The following EPHA3 variants were observed in gnomAD, a reference collection of about 807,000 sequenced individuals.
EPHA3 encodes EPH receptor A3, also known as ephrin type-A receptor 3.
A neutral mutation model predicts 107.1 loss-of-function variants in EPHA3; 42 were observed. That is an observed-to-expected ratio of 0.39 (90% CI 0.31 to 0.51). The LOEUF is 0.51. Ranked by LOEUF, EPHA3 falls within the 20% of genes least tolerant of loss-of-function variation. The probability of loss-of-function intolerance (pLI) is 0.78; values close to 1 mark genes in which losing one functional copy is unlikely to be tolerated. For missense variants in EPHA3, 1,183 were observed against 1,211.2 expected (o/e 0.98, Z 0.35); for synonymous variants, 461 against 424.8 (o/e 1.09, Z -1.05).
chr3:89,207,517 A>G (rs1016700988), intron 2 of EPHA3, among the ~76,000 whole-genome samples: 4 of 152,302 alleles, frequency 2.6e-5, no homozygotes, highest in Admixed American at 2.6e-4. Context: ...AGTATTTTTT[A>G]TTCTTTTTTT....
At chr3:89,204,433 G>A (rs1357473244) in intron 2 of EPHA3, among the ~76,000 whole-genome samples, 2 of 151,408 alleles carry the variant, frequency 1.3e-5, no homozygotes, top group African/African-American at 2.4e-5. Context: ...TCCATCTTCT[G>A]TCTTCCTGAC....
At chr3:89,392,625 C>A (rs1283817114) in intron 5 of EPHA3, among the ~76,000 whole-genome samples, 5 of 151,862 alleles carry the variant, frequency 3.3e-5, no homozygotes, top group African/African-American at 9.7e-5. Context: ...CCATTAACTT[C>A]CATTCTCTCA....
At chr3:89,301,525 C>T (rs1706488274) in intron 3 of EPHA3, among the ~76,000 whole-genome samples, 1 of 151,886 alleles carries the variant, frequency 6.6e-6, no homozygotes, top group African/African-American at 2.4e-5. Flanking sequence ...TCACATGACC[C>T]CTCAATTTAC....
chr3:89,186,041 C>T (rs943485801), intron 2 of EPHA3, among the ~76,000 whole-genome samples: 3 of 150,878 alleles, frequency 2.0e-5, no homozygotes, highest in African/African-American at 4.9e-5. Context: ...CTCCTTCTTT[C>T]TCTTTTTTTC....
chr3:89,213,202 G>A (rs146468320), intron 3 of EPHA3, among the ~76,000 whole-genome samples: 7 of 152,002 alleles, frequency 4.6e-5, no homozygotes, highest in African/African-American at 9.7e-5. Flanking sequence ...GAACTCAGAA[G>A]CATTCCTTTC....
chr3:89,440,014 GT>G (rs2107545287), intron 13 of EPHA3, among the ~76,000 whole-genome samples: 1 of 152,062 alleles, frequency 6.6e-6, no homozygotes, highest in African/African-American at 2.4e-5. Context: ...GAAGAATGAG[GT>G]TTTGCTACCT....
chr3:89,248,870 T>A (rs550420112), intron 3 of EPHA3, among the ~76,000 whole-genome samples: 1 of 152,214 alleles, frequency 6.6e-6, no homozygotes, highest in South Asian at 2.1e-4. Flanking sequence ...TGTGCACAGG[T>A]CCATAACACA....
chr3:89,116,839 T>G lies in EPHA3; in HGVS notation c.88+9003T>G, dbSNP rs181495372. Among the ~76,000 whole-genome samples the G allele has an allele frequency of 5.3e-5, 8 of 152,268 alleles. No homozygotes were observed. The East Asian group carries it at 1.5e-3, about 29-fold the overall frequency. Reference sequence around the variant, plus strand: ...GAATTAGCAACAAACTTTTTCCCCCTTACTTCCAGAGAATTCATGTCAATT... The same window carrying G: ...GAATTAGCAACAAACTTTTTCCCCCGTACTTCCAGAGAATTCATGTCAATT... On this transcript the variant is annotated intron_variant, in intron 1 of 16. Transcript: ENST00000336596.
chr3:89,451,248 T>C (rs373599892), intron 15 of EPHA3, among the ~76,000 whole-genome samples: 25 of 152,198 alleles, frequency 1.6e-4, no homozygotes, highest in Admixed American at 8.5e-4. Context: ...AATCACTGAG[T>C]TCTCTCAGTG....
intron 14 of EPHA3, 139 bp downstream of exon 14, chr3:89,449,513 A>G (rs1003533222): frequency 1.2e-5 from 8 of 657,548 alleles, no homozygotes; most frequent in African/African-American, 7.4e-5. Context: ...ACTGTTTCCA[A>G]GTCTTGCAAG....
chr3:89,243,526 T>C (rs2107249366), intron 3 of EPHA3, among the ~76,000 whole-genome samples: 1 of 152,326 alleles, frequency 6.6e-6, no homozygotes, highest in African/African-American at 2.4e-5. Context: ...CATTTTTTCA[T>C]GTGTCTTTTG....
intron 5 of EPHA3, among the ~76,000 whole-genome samples, chr3:89,369,207 A>G (rs1367028000): frequency 2.0e-5 from 3 of 151,084 alleles, no homozygotes; most frequent in Non-Finnish European, 4.4e-5. Flanking sequence ...TCCTAAGCCA[A>G]AAGAACAAAG....
intron 1 of EPHA3, among the ~76,000 whole-genome samples, chr3:89,114,873 T>G (rs1250260373): frequency 5.9e-5 from 9 of 152,240 alleles, no homozygotes; most frequent in Admixed American, 3.3e-4. Flanking sequence ...CGCCAGAGAG[T>G]CCATGCGCCT....
intron 5 of EPHA3, among the ~76,000 whole-genome samples, chr3:89,356,101 G>A (rs1231990972): frequency 3.4e-5 from 5 of 147,946 alleles, no homozygotes; most frequent in Non-Finnish European, 6.0e-5. Flanking sequence ...TTTTGTTCTT[G>A]CGATAGTTTA....
chr3:89,444,578 T>C (rs1015174842), intron 13 of EPHA3, among the ~76,000 whole-genome samples: 7 of 152,130 alleles, frequency 4.6e-5, no homozygotes, highest in Admixed American at 4.6e-4. Context: ...TTGTAGCATC[T>C]TTTAATAAAT....
chr3:89,388,018 G>A (rs1708656394), intron 5 of EPHA3, among the ~76,000 whole-genome samples: 1 of 152,006 alleles, frequency 6.6e-6, no homozygotes, highest in Non-Finnish European at 1.5e-5. Context: ...TATTTTCAGT[G>A]TATTATGTCT....
At chr3:89,408,182 C>T (rs1313242706) in intron 9 of EPHA3, 51 bp downstream of exon 9, 15 of 1,570,988 alleles carry the variant, frequency 9.5e-6, no homozygotes, top group African/African-American at 6.8e-5. Context: ...TTAGCTTTAG[C>T]AGTTATTGAT....
chr3:89,310,377 T>C (rs1455272199), intron 3 of EPHA3, among the ~76,000 whole-genome samples: 1 of 152,054 alleles, frequency 6.6e-6, no homozygotes, highest in Non-Finnish European at 1.5e-5. Flanking sequence ...GAAAATTCAT[T>C]AATTTTTTTT....
intron 2 of EPHA3, among the ~76,000 whole-genome samples, chr3:89,193,083 T>C (rs1489479450): frequency 6.6e-6 from 1 of 152,112 alleles, no homozygotes; most frequent in Non-Finnish European, 1.5e-5. Context: ...AATAGAGGTA[T>C]AATTGCATAA....
Sources: allele counts gnomAD v4.1 joint callset (sites outside exome capture counted in the v4.1 genomes callset), GRCh38; gene constraint gnomAD v4.1.1; transcripts MANE v1.5; gene names NCBI Gene and HGNC (gene_info 2026-07-23, HGNC 2026-07-21).